KREMEN1: variants seen among roughly 807,000 people sequenced by gnomAD.
KREMEN1 encodes the protein kremen protein 1.
KREMEN1 carries 30 observed loss-of-function variants against 46.5 expected under a neutral mutation model. The ratio of observed to expected loss-of-function variants is 0.65; its 90% CI spans 0.48 to 0.88. The LOEUF is 0.88. Among genes scored for constraint, KREMEN1 ranks in the 40% least tolerant of loss-of-function variants. The probability of loss-of-function intolerance (pLI) is 0.00; values close to 1 mark genes in which losing one functional copy is unlikely to be tolerated. For synonymous variants in KREMEN1, 214 were observed against 230.6 expected (o/e 0.93, Z 0.65); for missense variants, 533 against 596.9 (o/e 0.89, Z 1.11).
intron 9 of KREMEN1, among the ~76,000 whole-genome samples, chr22:29,161,038 C>T (rs2039005543): frequency 6.6e-6 from 1 of 152,140 alleles, no homozygotes; most frequent in African/African-American, 2.4e-5. Context: ...AAATGTGTCA[C>T]TTGTAATAAG....
At chr22:29,095,109 G>T (rs2037865455) in intron 2 of KREMEN1, among the ~76,000 whole-genome samples, 1 of 152,124 alleles carries the variant, frequency 6.6e-6, no homozygotes, top group South Asian at 2.1e-4. Context: ...CACCATGTGT[G>T]ACCCAAATCT....
In KREMEN1 at chr22:29,146,685, C is replaced by T. The variant is rs2038869946; in HGVS notation, c.*4573C>T. The T allele has an allele frequency of 1.1e-6, 1 of 924,728 alleles. No homozygotes were observed. The highest frequency in any genetic ancestry group is 1.3e-6 in the Non-Finnish European group (1 of 774,604). 57.3% of individuals were successfully genotyped at this position (924,728 alleles called of 1,614,324 possible). A position where few individuals can be genotyped will look rare whatever the true frequency, so the allele number is the denominator to read the frequency against. ...TTAAAATATAAGATGAAGTGTGACG[C>T]ACTGTATACAATTTAATATATATTT... On this transcript the variant is annotated 3_prime_UTR_variant, in exon 9 of 9. Coordinates refer to ENST00000400335, the MANE Select transcript of KREMEN1 (RefSeq NM_001039570.3).
chr22:29,152,712 T>C (rs968237000), intron 9 of KREMEN1, among the ~76,000 whole-genome samples: 2 of 152,082 alleles, frequency 1.3e-5, no homozygotes, highest in Admixed American at 6.6e-5. Flanking sequence ...TTCCTTTTTT[T>C]CCTCTCTCTA....
intron 8 of KREMEN1, among the ~76,000 whole-genome samples, chr22:29,141,701 T>A (rs1395774797): frequency 6.6e-6 from 1 of 152,216 alleles, no homozygotes; most frequent in Admixed American, 6.5e-5. Flanking sequence ...TTTGAAGAAT[T>A]CTGCTAGTTA....
Position 29,137,595 on chromosome 22 carries a change from C to T in KREMEN1, c.885C>T (p.Asn295=), listed in dbSNP as rs372733286. The change falls in exon 6 of 9, where the codon AAC becomes AAT. Residue 295 remains asparagine (N), a synonymous_variant. Coordinates refer to ENST00000400335, the MANE Select transcript of KREMEN1 (RefSeq NM_001039570.3). ...HGRSRPPLSF[N]VSLDFVILYF... ...GGAGCCGCCCACCTCTGTCCTTCAA[C>T]GTCTCTCTGGACTTCGTCATCTTGT... The T allele has an allele frequency of 2.1e-5, 34 of 1,613,348 alleles. No homozygotes were observed. In the African/African-American group the frequency reaches 2.4e-4, roughly 11 times the overall value.
Position 29,137,432 on chromosome 22 carries a change from T to G in KREMEN1, c.722T>G (p.Val241Gly), listed in dbSNP as rs1601807641. ...CCCGACACCTATGCCACGGGGAGGG[T>G]CTGCTACTGGACCATCCGGGTTCCG... Reference protein sequence around the residue: ...DFPDTYATGRVCYWTIRVPGA... With the variant: ...DFPDTYATGRGCYWTIRVPGA... The change falls in exon 6 of 9, where the codon GTC (valine) becomes GGC (glycine). Residue 241 changes from valine to glycine, a missense_variant. Physicochemically the swap from Val to Gly is moderately radical, Grantham distance 109 (BLOSUM62 -3). Coordinates refer to ENST00000400335, the MANE Select transcript of KREMEN1 (RefSeq NM_001039570.3). 1 of 1,587,946 alleles carries G rather than the reference T, an allele frequency of 6.3e-7. No homozygotes were observed. The highest frequency in any genetic ancestry group is 8.6e-7 in the Non-Finnish European group (1 of 1,159,310).
At chr22:29,141,226 CGTGTGT>C (rs132278) in intron 8 of KREMEN1, among the ~76,000 whole-genome samples, 3,495 of 148,618 alleles carry the variant, frequency 0.024, 139 homozygotes, top group African/African-American at 0.082. Flanking sequence ...ATAATGTCCT[CGTGTGT>C]GTGTGTGTGT....
chr22:29,130,101 C>G (rs1294925903), intron 5 of KREMEN1, among the ~76,000 whole-genome samples: 7 of 152,214 alleles, frequency 4.6e-5, no homozygotes, highest in Non-Finnish European at 1.0e-4. Flanking sequence ...TGACAGGAGC[C>G]TGTGCTATTC....
chr22:29,121,890 CAG>C (rs577166010), intron 4 of KREMEN1, among the ~76,000 whole-genome samples: 52 of 152,204 alleles, frequency 3.4e-4, no homozygotes, highest in Admixed American at 9.8e-4. Flanking sequence ...GAAAAATAAA[CAG>C]AAAATCCTAA....
At chr22:29,111,982 T>C (rs755860365) in intron 3 of KREMEN1, among the ~76,000 whole-genome samples, 33 of 152,188 alleles carry the variant, frequency 2.2e-4, no homozygotes, top group African/African-American at 6.8e-4. Flanking sequence ...TTGAAGACCA[T>C]TGGGATGTAT....
At chr22:29,131,548 ATATATATATATATGTG>A (rs1478729208) in intron 5 of KREMEN1, among the ~76,000 whole-genome samples, 1 of 58,806 alleles carries the variant, frequency 1.7e-5, no homozygotes, top group African/African-American at 7.5e-5. Flanking sequence ...ATATATATAT[ATATATATATATATGTG>A]TGTGTGTGTG....
chr22:29,162,285 A>T (rs892787484), intron 9 of KREMEN1, among the ~76,000 whole-genome samples: 2 of 152,192 alleles, frequency 1.3e-5, no homozygotes, highest in Non-Finnish European at 1.5e-5. Context: ...AAACTCCAAC[A>T]TCCTTTCGTG....
At chr22:29,112,270 G>C (rs1404458284) in intron 3 of KREMEN1, among the ~76,000 whole-genome samples, 1 of 152,128 alleles carries the variant, frequency 6.6e-6, no homozygotes, top group African/African-American at 2.4e-5. Context: ...AAGAGAATCT[G>C]GTGGCCCCAG....
At chr22:29,148,184 G>A (rs1466701566), downstream of KREMEN1, among the ~76,000 whole-genome samples, 1 of 152,132 alleles carries the variant, frequency 6.6e-6, no homozygotes, top group East Asian at 1.9e-4. Flanking sequence ...GTCGCTGTGG[G>A]ACACTGAGGC....
chr22:29,094,914 G>A (rs921796167), intron 2 of KREMEN1, among the ~76,000 whole-genome samples: 3 of 152,108 alleles, frequency 2.0e-5, no homozygotes, highest in South Asian at 2.1e-4. Flanking sequence ...GTGAGCCACC[G>A]CGCCCGGCCA....
rs1349131232 is a variant in KREMEN1, at chr22:29,121,387, A to G, written c.383A>G (p.His128Arg). ...MPGNLGCYKD[H>R]GNPPPLTGTS... ...GGAAACCTTGGCTGCTACAAGGATCATGGAAACCCACCTCCTCTAACTGGC... is the reference window on the plus strand; with the variant it reads ...GGAAACCTTGGCTGCTACAAGGATCGTGGAAACCCACCTCCTCTAACTGGC... Residue 128 changes from histidine to arginine, a missense_variant, in exon 4 of 9, where the codon CAT becomes CGT. Coordinates refer to ENST00000400335, the MANE Select transcript of KREMEN1 (RefSeq NM_001039570.3). The G allele has an allele frequency of 3.1e-6, 5 of 1,613,942 alleles. No individual in the cohort carries two copies. The African/African-American group carries it at 4.0e-5, about 13-fold the overall frequency.
At chr22:29,154,409 C>A (rs1271845464) in intron 9 of KREMEN1, 1 of 152,210 alleles carries the variant, frequency 6.6e-6, no homozygotes, top group Non-Finnish European at 1.5e-5. Context: ...TTATCTGTTG[C>A]TTCAGGTAAG....
At chr22:29,105,532 G>T (rs2145783528) in intron 3 of KREMEN1, among the ~76,000 whole-genome samples, 1 of 149,810 alleles carries the variant, frequency 6.7e-6, no homozygotes, top group East Asian at 2.0e-4. Context: ...TTCCAAGCAA[G>T]TTGGTGTTGC....
chr22:29,152,583 GA>G (rs2038923399), intron 9 of KREMEN1, among the ~76,000 whole-genome samples: 1 of 152,178 alleles, frequency 6.6e-6, no homozygotes, highest in African/African-American at 2.4e-5. Context: ...GCCCTAGCGG[GA>G]GACAGAATCT....
Sources: gnomAD v4.1 joint callset for allele counts (sites outside exome capture counted in the v4.1 genomes callset) on GRCh38, gnomAD v4.1.1 for gene constraint, MANE v1.5 for transcripts, NCBI Gene and HGNC (gene_info 2026-07-23, HGNC 2026-07-21) for gene names.